MCF2L2: variants seen among roughly 807,000 people sequenced by gnomAD.
The protein encoded by MCF2L2 is MCF.2 cell line derived transforming sequence-like 2, also known as probable guanine nucleotide exchange factor MCF2L2.
MCF2L2 carries 102 observed loss-of-function variants against 150.2 expected under a neutral mutation model. The ratio of observed to expected loss-of-function variants is 0.68; its 90% CI spans 0.58 to 0.80. MCF2L2 has a LOEUF of 0.80. MCF2L2 is among the 30% of genes least tolerant of loss of function. The probability of loss-of-function intolerance (pLI) is 0.00; values close to 1 mark genes in which losing one functional copy is unlikely to be tolerated. For missense variants in MCF2L2, 1,256 were observed against 1,372.8 expected (o/e 0.91, Z 1.34); for synonymous variants, 465 against 491.3 (o/e 0.95, Z 0.71).
chr3:183,275,533 CTTTAG>C (rs1228198170), intron 15 of MCF2L2, among the ~76,000 whole-genome samples: 1 of 152,120 alleles, frequency 6.6e-6, no homozygotes, highest in Non-Finnish European at 1.5e-5. Context: ...ATTTTTGTTT[CTTTAG>C]TTGAGTGCTG....
At chr3:183,215,937 G>A (rs1009578718) in intron 22 of MCF2L2, 32 bp downstream of exon 22, 1 of 1,601,624 alleles carries the variant, frequency 6.2e-7, no homozygotes, top group Non-Finnish European at 8.5e-7. Context: ...TGCCTTTTGT[G>A]TGAGATGCTC....
At chr3:183,418,276 A>T (rs1477434628) in intron 1 of MCF2L2, among the ~76,000 whole-genome samples, 1 of 149,842 alleles carries the variant, frequency 6.7e-6, no homozygotes, top group Non-Finnish European at 1.5e-5. Context: ...CACCCCCATG[A>T]TCCAATCACC....
chr3:183,351,190 G>GTGTATGTATATATA (rs1491563903), intron 3 of MCF2L2, among the ~76,000 whole-genome samples: 2 of 38,844 alleles, frequency 5.1e-5, no homozygotes, highest in African/African-American at 1.7e-4. Flanking sequence ...ATTTTCTTAA[G>GTGTATGTATATATA]TATATATATA....
chr3:183,279,347 T>C (rs553110246), intron 14 of MCF2L2, among the ~76,000 whole-genome samples: 1 of 152,304 alleles, frequency 6.6e-6, no homozygotes, highest in East Asian at 1.9e-4. Flanking sequence ...AGAGAGCATA[T>C]TCAAGTAAAA....
At chr3:183,250,579 T>C (rs1316283290) in intron 15 of MCF2L2, among the ~76,000 whole-genome samples, 1 of 150,024 alleles carries the variant, frequency 6.7e-6, no homozygotes, top group Non-Finnish European at 1.5e-5. Flanking sequence ...AGAGCGATAC[T>C]TCGTTTCAAA....
intron 3 of MCF2L2, among the ~76,000 whole-genome samples, chr3:183,347,258 A>G (rs1730935944): frequency 6.6e-6 from 1 of 152,224 alleles, no homozygotes. Context: ...CCACACATCT[A>G]CAACCATCTG....
chr3:183,242,017 G>C (rs940396790), intron 15 of MCF2L2, among the ~76,000 whole-genome samples: 2 of 152,216 alleles, frequency 1.3e-5, no homozygotes, highest in Non-Finnish European at 2.9e-5. Flanking sequence ...CTAGAGATCT[G>C]TGGAAATTTG....
chr3:183,317,993 C>T (rs1729666789), intron 7 of MCF2L2, 75 bp downstream of exon 7: 1 of 1,543,622 alleles, frequency 6.5e-7, no homozygotes. Flanking sequence ...GTTAATTCTG[C>T]TTCCAGCTCT....
chr3:183,256,814 G>A (rs567787130), intron 15 of MCF2L2, among the ~76,000 whole-genome samples: 1 of 140,874 alleles, frequency 7.1e-6, no homozygotes, highest in East Asian at 2.0e-4. Flanking sequence ...TAATTGAAAT[G>A]TATTTTAAGT....
At chr3:183,324,372 C>T (rs1366582545) in intron 5 of MCF2L2, among the ~76,000 whole-genome samples, 1 of 152,216 alleles carries the variant, frequency 6.6e-6, no homozygotes, top group African/African-American at 2.4e-5. Context: ...ACACCCTCTA[C>T]TCACTCCTGA....
At chr3:183,198,555 T>C in intron 25 of MCF2L2, among the ~76,000 whole-genome samples, 1 of 152,196 alleles carries the variant, frequency 6.6e-6, no homozygotes. Flanking sequence ...ACTTATCAGA[T>C]TGTACACTTT....
At chr3:183,392,106 T>C (rs1714188519) in intron 1 of MCF2L2, among the ~76,000 whole-genome samples, 2 of 152,006 alleles carry the variant, frequency 1.3e-5, no homozygotes, top group South Asian at 4.2e-4. Flanking sequence ...AATCATAAGG[T>C]GTAATTTATT....
chr3:183,428,060 C>G lies in MCF2L2; in HGVS notation c.-83G>C. The stretch of plus-strand genomic sequence containing the variant: ...GGTGGATGATTTTTTAAAGGCATCT[C>G]CGCCCAAGGATGCTCTGCCCTCGCC... On this transcript the variant is annotated 5_prime_UTR_variant, in exon 1 of 30. Coordinates refer to ENST00000328913, the MANE Select transcript of MCF2L2 (RefSeq NM_015078.4). This position sits in a 1 kb window ranked among gnomAD's most constrained non-coding sequence, Gnocchi z 5.1. 1 of 1,047,346 alleles carries G rather than the reference C, an allele frequency of 9.5e-7. No homozygotes were observed. Among genetic ancestry groups the G allele is most frequent in the South Asian group, 1.3e-5 (1 of 79,450 alleles). 64.9% of individuals were successfully genotyped at this position (1,047,346 alleles called of 1,614,324 possible).
In MCF2L2 at chr3:183,353,892, A is replaced by G. The variant is rs151062176; in HGVS notation, c.276-12262T>C. 2.6e-3 allele frequency among the ~76,000 whole-genome samples: 400 copies of G among 152,296 alleles called. 3 individuals carry two copies. The highest frequency in any genetic ancestry group is 0.02 in the Middle Eastern group (6 of 294). ...AAATATTCCTTTCTATAGAGCTTCC[A>G]CATTTCAGATTCCATCCTCTCACCA... On this transcript the variant is annotated intron_variant, in intron 3 of 29. Coordinates refer to ENST00000328913, the MANE Select transcript of MCF2L2 (RefSeq NM_015078.4).
intron 13 of MCF2L2, among the ~76,000 whole-genome samples, chr3:183,289,671 C>T (rs1374451961): frequency 2.0e-5 from 3 of 152,188 alleles, no homozygotes; most frequent in African/African-American, 4.8e-5. Flanking sequence ...GCCCGGCCAA[C>T]ATGGTGAAAT....
intron 3 of MCF2L2, among the ~76,000 whole-genome samples, chr3:183,369,366 G>C (rs1300940921): frequency 6.6e-6 from 1 of 152,204 alleles, no homozygotes; most frequent in Non-Finnish European, 1.5e-5. Flanking sequence ...TGATCACAGA[G>C]TGGTTCTGGC....
intron 25 of MCF2L2, among the ~76,000 whole-genome samples, chr3:183,198,984 A>G (rs888862195): frequency 3.9e-5 from 6 of 152,152 alleles, no homozygotes; most frequent in Admixed American, 3.9e-4. Flanking sequence ...TTTTTTTCCC[A>G]TCTTATCTGT....
chr3:183,228,026 T>C lies in MCF2L2; in HGVS notation c.2115+271A>G, dbSNP rs77547078. 39 of 140,308 alleles carry C rather than the reference T, an allele frequency of 2.8e-4. 1 individual carries two copies. Among genetic ancestry groups the C allele is most frequent in the Middle Eastern group, 2.1e-3 (1 of 476 alleles). 8.7% of individuals were successfully genotyped at this position (140,308 alleles called of 1,614,324 possible). ...TGTTTTTGGATTATATATATATACATATACACACACACACACACACAATGG... is the reference window on the plus strand; with the variant it reads ...TGTTTTTGGATTATATATATATACACATACACACACACACACACACAATGG... On this transcript the variant is annotated intron_variant, in intron 18 of 29. Transcript: ENST00000328913.
intron 14 of MCF2L2, among the ~76,000 whole-genome samples, chr3:183,288,119 G>A (rs747751026): frequency 2.6e-5 from 4 of 152,222 alleles, no homozygotes; most frequent in Non-Finnish European, 2.9e-5. Flanking sequence ...ATTATACAGT[G>A]CTTAGCAATT....
Sources: gnomAD v4.1 joint callset for allele counts (sites outside exome capture counted in the v4.1 genomes callset) on GRCh38, gnomAD v4.1.1 for gene constraint, Gnocchi (gnomAD v3.1) non-coding constraint, MANE v1.5 for transcripts, NCBI Gene and HGNC (gene_info 2026-07-23, HGNC 2026-07-21) for gene names.